PLXNA4: variants seen among roughly 807,000 people sequenced by gnomAD.
PLXNA4 encodes the protein plexin-A4.
A neutral mutation model predicts 191.8 loss-of-function variants in PLXNA4; 44 were observed. The observed-to-expected ratio is 0.23, with a 90% CI of 0.18 to 0.29. The LOEUF is 0.29. PLXNA4 is among the 10% of genes least tolerant of loss of function. PLXNA4 has a pLI of 1.00. For missense variants in PLXNA4, 1,800 were observed against 2,488.8 expected, an observed-to-expected ratio of 0.72 and a Z score of 5.89; for synonymous variants, 1,082 against 1,009.5, an observed-to-expected ratio of 1.07 and a Z score of -1.36.
At chr7:132,256,840 G>A (rs998374465) in intron 4 of PLXNA4, among the ~76,000 whole-genome samples, 4 of 152,158 alleles carry the variant, frequency 2.6e-5, no homozygotes, top group African/African-American at 9.7e-5. Context: ...TTTTGCCCTG[G>A]AATCTGAGTG....
At chr7:132,141,215 A>T (rs180821166) in intron 29 of PLXNA4, among the ~76,000 whole-genome samples, 1 of 152,248 alleles carries the variant, frequency 6.6e-6, no homozygotes, top group East Asian at 1.9e-4. Flanking sequence ...GGCAAACTGT[A>T]AGGAATTGCT....
intron 3 of PLXNA4, chr7:132,484,780 T>C: frequency 6.2e-7 from 1 of 1,612,028 alleles, no homozygotes; most frequent in Non-Finnish European, 8.5e-7. Context: ...GAATATTTAT[T>C]TTTAGTTAAA....
At chr7:132,528,247 G>A (rs1799484014) in intron 1 of PLXNA4, among the ~76,000 whole-genome samples, 1 of 152,212 alleles carries the variant, frequency 6.6e-6, no homozygotes, top group Non-Finnish European at 1.5e-5. Context: ...ACTCCCAGGA[G>A]GCGCAGCAGT....
At chr7:132,345,433 C>A (rs1803207499) in intron 3 of PLXNA4, among the ~76,000 whole-genome samples, 1 of 152,172 alleles carries the variant, frequency 6.6e-6, no homozygotes, top group Non-Finnish European at 1.5e-5. Context: ...ATGTACCCAG[C>A]ACATTGATCT....
chr7:132,527,238 C>T (rs1243845424), intron 1 of PLXNA4, among the ~76,000 whole-genome samples: 1 of 152,070 alleles, frequency 6.6e-6, no homozygotes, highest in Non-Finnish European at 1.5e-5. Context: ...ACCTCAGCAC[C>T]TCCTCAAGTA....
chr7:132,285,488 C>A (rs915840696), intron 4 of PLXNA4, among the ~76,000 whole-genome samples: 1 of 152,188 alleles, frequency 6.6e-6, no homozygotes, highest in Non-Finnish European at 1.5e-5. Flanking sequence ...CCATCGCATA[C>A]GTCTCTGAGT....
At chr7:132,397,851 C>T (rs1348163450) in intron 3 of PLXNA4, among the ~76,000 whole-genome samples, 1 of 152,194 alleles carries the variant, frequency 6.6e-6, no homozygotes, top group African/African-American at 2.4e-5. Context: ...ACGAAGGGCA[C>T]AGGGGAGAAA....
chr7:132,400,995 A>T (rs1287528795), intron 3 of PLXNA4, among the ~76,000 whole-genome samples: 1 of 152,208 alleles, frequency 6.6e-6, no homozygotes, highest in Non-Finnish European at 1.5e-5. Context: ...AGCAGGCCAG[A>T]AGAGGACTCC....
At chr7:132,207,295 G>A (rs1294623235) in intron 10 of PLXNA4, among the ~76,000 whole-genome samples, 1 of 152,236 alleles carries the variant, frequency 6.6e-6, no homozygotes, top group Non-Finnish European at 1.5e-5. Context: ...ACGGTGCCAA[G>A]AGAAAACCAG....
Position 132,507,895 on chromosome 7 carries a change from G to A in PLXNA4, c.799C>T (p.Pro267Ser), listed in dbSNP as rs1798543894. ...ACCTGCTCCTTGGTGGTGGAGCCTGGTGGAGACACCATCTCAGGTTGGAGG... is the reference window on the plus strand; with the variant it reads ...ACCTGCTCCTTGGTGGTGGAGCCTGATGGAGACACCATCTCAGGTTGGAGG... ...LTLQPEMVSP[P>S]GSTTKEQVYT... Residue 267 changes from proline (P) to serine (S), a missense_variant, in exon 2 of 32, where the codon CCA becomes TCA. Physicochemically the swap from Pro to Ser is moderately conservative, Grantham distance 74. Coordinates refer to ENST00000321063, the MANE Select transcript of PLXNA4 (RefSeq NM_020911.2). 6.2e-7 allele frequency: 1 copy of A among 1,614,042 alleles called. No homozygotes were observed. The highest frequency in any genetic ancestry group is 1.7e-5 in the Admixed American group (1 of 60,012).
chr7:132,416,654 T>C (rs553099706), intron 3 of PLXNA4, among the ~76,000 whole-genome samples: 1 of 152,336 alleles, frequency 6.6e-6, no homozygotes, highest in Non-Finnish European at 1.5e-5. Flanking sequence ...TTTCTTATAA[T>C]GGCACAGGGC....
intron 1 of PLXNA4, among the ~76,000 whole-genome samples, chr7:132,549,669 A>G (rs1800470697): frequency 1.3e-5 from 2 of 152,172 alleles, no homozygotes; most frequent in South Asian, 2.1e-4. Context: ...GTGTTCTGGA[A>G]AATGGCAAAG....
chr7:132,296,420 G>GT (rs1206369464), intron 4 of PLXNA4, among the ~76,000 whole-genome samples: 5 of 142,718 alleles, frequency 3.5e-5, no homozygotes, highest in East Asian at 2.1e-4. Flanking sequence ...CTTATACTTT[G>GT]TTTTTTTGTT....
At chr7:132,336,773 A>G (rs146467376) in intron 3 of PLXNA4, among the ~76,000 whole-genome samples, 1 of 152,244 alleles carries the variant, frequency 6.6e-6, no homozygotes, top group Non-Finnish European at 1.5e-5. Context: ...CAGCAAAAAC[A>G]CTTGAGCAAC....
intron 3 of PLXNA4, among the ~76,000 whole-genome samples, chr7:132,392,112 G>C (rs1793519698): frequency 6.6e-6 from 1 of 151,640 alleles, no homozygotes; most frequent in Non-Finnish European, 1.5e-5. Flanking sequence ...TGGGCAACAA[G>C]AGTGAAACTT....
At chr7:132,231,227 C>A (rs571866363) in intron 5 of PLXNA4, among the ~76,000 whole-genome samples, 2 of 152,100 alleles carry the variant, frequency 1.3e-5, no homozygotes, top group African/African-American at 2.4e-5. Flanking sequence ...CTACCTAATA[C>A]GGTTATTATG....
chr7:132,365,261 G>A (rs963663913), intron 3 of PLXNA4, among the ~76,000 whole-genome samples: 3 of 152,142 alleles, frequency 2.0e-5, no homozygotes, highest in African/African-American at 7.2e-5. Flanking sequence ...GGTCCCTTGA[G>A]TACACTGCAG....
intron 21 of PLXNA4, among the ~76,000 whole-genome samples, chr7:132,169,596 G>A (rs1029368854): frequency 2.0e-5 from 3 of 152,184 alleles, no homozygotes; most frequent in Non-Finnish European, 4.4e-5. Context: ...GCTAAAGAGG[G>A]CATAGTCTTC....
chr7:132,210,394 A>G (rs1000948353), intron 10 of PLXNA4, among the ~76,000 whole-genome samples: 3 of 152,336 alleles, frequency 2.0e-5, no homozygotes, highest in Admixed American at 6.5e-5. Flanking sequence ...GATTTGCCAC[A>G]CATTGGGCAG....
Sources: allele counts gnomAD v4.1 joint callset (sites outside exome capture counted in the v4.1 genomes callset), GRCh38; gene constraint gnomAD v4.1.1; transcripts MANE v1.5; gene names NCBI Gene and HGNC (gene_info 2026-07-23, HGNC 2026-07-21).